The following KCNIP4 variants were observed in gnomAD, a reference collection of about 807,000 sequenced individuals.
KCNIP4 encodes the protein Kv channel-interacting protein 4.
Under a neutral mutation model 34.0 loss-of-function variants are expected in KCNIP4, and 12 were observed. That is an observed-to-expected ratio of 0.35 (90% CI 0.23 to 0.57). The LOEUF is 0.57. Among genes scored for constraint, KCNIP4 ranks in the 20% least tolerant of loss-of-function variants. The probability of loss-of-function intolerance (pLI) is 0.83; values close to 1 mark genes in which losing one functional copy is unlikely to be tolerated. For synonymous variants in KCNIP4, 124 were observed against 102.2 expected, an observed-to-expected ratio of 1.21 and a Z score of -1.29; for missense variants, 238 against 311.7, an observed-to-expected ratio of 0.76 and a Z score of 1.78.
At chr4:21,262,098 C>T (rs185171415) in intron 1 of KCNIP4, among the ~76,000 whole-genome samples, 9 of 152,292 alleles carry the variant, frequency 5.9e-5, no homozygotes, top group African/African-American at 1.9e-4. Flanking sequence ...ATATTTTAAA[C>T]GCATGCTCTT....
intron 1 of KCNIP4, among the ~76,000 whole-genome samples, chr4:21,551,605 C>T (rs1268065637): frequency 1.3e-5 from 2 of 152,070 alleles, no homozygotes; most frequent in African/African-American, 2.4e-5. Context: ...TGCAACTCTG[C>T]CAAAACCTGT....
chr4:20,777,149 G>A (rs1251893953), intron 3 of KCNIP4, among the ~76,000 whole-genome samples: 5 of 152,150 alleles, frequency 3.3e-5, no homozygotes, highest in Non-Finnish European at 1.5e-5. Flanking sequence ...GTTCCACAGG[G>A]CTATAGACGC....
chr4:21,818,514 G>A (rs1722126852), intron 1 of KCNIP4, among the ~76,000 whole-genome samples: 1 of 152,120 alleles, frequency 6.6e-6, no homozygotes, highest in Admixed American at 6.5e-5. Flanking sequence ...AGCCACTAGT[G>A]GTGTATGGAT....
At chr4:21,748,983 C>A (rs906151112) in intron 1 of KCNIP4, among the ~76,000 whole-genome samples, 2 of 152,010 alleles carry the variant, frequency 1.3e-5, no homozygotes, top group Admixed American at 1.3e-4. Flanking sequence ...TATAACATTC[C>A]AGGCTGTAAT....
intron 1 of KCNIP4, among the ~76,000 whole-genome samples, chr4:21,323,009 G>A (rs1263229198): frequency 6.6e-6 from 1 of 151,940 alleles, no homozygotes; most frequent in East Asian, 1.9e-4. Flanking sequence ...GGAATTGATG[G>A]TATAACTGAA....
intron 1 of KCNIP4, among the ~76,000 whole-genome samples, chr4:21,289,606 G>C (rs1275292906): frequency 6.6e-6 from 1 of 152,214 alleles, no homozygotes; most frequent in Non-Finnish European, 1.5e-5. Flanking sequence ...TTAAAAAAAT[G>C]TATGAGATGT....
In KCNIP4 at chr4:20,847,939, AG is replaced by A. The variant is rs555756446; in HGVS notation, c.288+2603del. ...AAGGGCTTTGAGGTAATTGGTGTTT[AG>A]GGAACCAAGGCAGTTGGTTTGCTTT... On this transcript the variant is annotated intron_variant, in intron 3 of 8. Coordinates refer to ENST00000382152, the MANE Select transcript of KCNIP4 (RefSeq NM_025221.6). Among the ~76,000 whole-genome samples, 134 of 152,296 alleles carry A rather than the reference AG, an allele frequency of 8.8e-4. 2 individuals carry two copies. The highest frequency in any genetic ancestry group is 8.6e-3 in the Admixed American group (132 of 15,288).
At chr4:21,643,573 C>G (rs1746774741) in intron 1 of KCNIP4, among the ~76,000 whole-genome samples, 1 of 152,058 alleles carries the variant, frequency 6.6e-6, no homozygotes, top group Non-Finnish European at 1.5e-5. Flanking sequence ...TTCCATGAAG[C>G]TATTTTTTAG....
rs567512788 is a variant in KCNIP4 at position 21,053,185 on chromosome 4, T to G, written c.62-170476A>C. Among the ~76,000 whole-genome samples the G allele has an allele frequency of 7.9e-5, 12 of 152,264 alleles. No homozygotes were observed. The East Asian group carries it at 2.3e-3, about 29-fold the overall frequency. ...AATGGAAATCAAGAAGAGGGCAGTC[T>G]TGGCAGTTTCTTCTCTATTCTCACT... On this transcript the variant is annotated intron_variant, in intron 1 of 8. Transcript: ENST00000382152.
chr4:21,561,133 T>C (rs1577597915), intron 1 of KCNIP4, among the ~76,000 whole-genome samples: 1 of 152,000 alleles, frequency 6.6e-6, no homozygotes, highest in South Asian at 2.1e-4. Flanking sequence ...GATTGCACAC[T>C]TTAATATTAC....
rs1560655293 is a variant in KCNIP4, at chr4:21,714,785, G to GATTTATTTCATTTTATCT, written c.61+233785_61+233786insAGATAAAATGAAATAAAT. Among the ~76,000 whole-genome samples, 20 of 43,372 alleles carry GATTTATTTCATTTTATCT rather than the reference G, an allele frequency of 4.6e-4. 4 individuals are homozygous for GATTTATTTCATTTTATCT. The highest frequency in any genetic ancestry group is 3.8e-3 in the African/African-American group (19 of 5,006). 28.5% of individuals were successfully genotyped at this position (43,372 alleles called of 152,430 possible). A position where few individuals can be genotyped will look rare whatever the true frequency, so the allele number is the denominator to read the frequency against. On this transcript the variant is annotated intron_variant, in intron 1 of 8. Transcript: ENST00000382152. The stretch of plus-strand genomic sequence containing the variant: ...AAGAATGTGTTAGTAATTTCCCTTT[G>GATTTATTTCATTTTATCT]ATTATTTTATTTTATTTTATTTTAT...
At chr4:20,875,215 G>C (rs1723885782) in intron 2 of KCNIP4, among the ~76,000 whole-genome samples, 1 of 152,010 alleles carries the variant, frequency 6.6e-6, no homozygotes, top group African/African-American at 2.4e-5. Context: ...ATATTTTTTT[G>C]TAAAACTGAC....
At chr4:21,588,620 T>A (rs1577648619) in intron 1 of KCNIP4, among the ~76,000 whole-genome samples, 1 of 151,852 alleles carries the variant, frequency 6.6e-6, no homozygotes, top group African/African-American at 2.4e-5. Context: ...GGAGCTGTGA[T>A]CCCAAACCCT....
intron 1 of KCNIP4, among the ~76,000 whole-genome samples, chr4:21,939,029 T>C (rs139439031): frequency 1.7e-4 from 26 of 152,252 alleles, no homozygotes; most frequent in Admixed American, 3.9e-4. Context: ...TAACTGTCAT[T>C]GAGATCTAAA....
At chr4:20,924,502 G>A (rs879362836) in intron 1 of KCNIP4, among the ~76,000 whole-genome samples, 2 of 152,030 alleles carry the variant, frequency 1.3e-5, no homozygotes, top group African/African-American at 2.4e-5. Context: ...CAATATAAAA[G>A]TTTTCTCTTT....
chr4:21,205,365 G>A (rs1350929353), intron 1 of KCNIP4, among the ~76,000 whole-genome samples: 4 of 152,108 alleles, frequency 2.6e-5, no homozygotes, highest in South Asian at 2.1e-4. Flanking sequence ...CATGACAGAC[G>A]CTTCAGGAGG....
chr4:21,180,297 T>G lies in KCNIP4; in HGVS notation c.62-297588A>C, dbSNP rs546245026. 2.4e-4 allele frequency among the ~76,000 whole-genome samples: 37 copies of G among 152,324 alleles called. No individual in the cohort carries two copies. The South Asian group carries it at 7.0e-3, about 29-fold the overall frequency. ...ATCAAGCTTCTAGTACTAGAGTTTA[T>G]GACTAGAATCCTAATAATAGTTTTT... On this transcript the variant is annotated intron_variant, in intron 1 of 8. Coordinates refer to ENST00000382152, the MANE Select transcript of KCNIP4 (RefSeq NM_025221.6).
chr4:21,603,617 A>G (rs2109126402), intron 1 of KCNIP4, among the ~76,000 whole-genome samples: 2 of 152,252 alleles, frequency 1.3e-5, no homozygotes, highest in Non-Finnish European at 2.9e-5. Context: ...ACGGGGTCCA[A>G]CTTCTGTTAT....
At chr4:21,177,335 A>G (rs1754485661) in intron 1 of KCNIP4, among the ~76,000 whole-genome samples, 1 of 152,188 alleles carries the variant, frequency 6.6e-6, no homozygotes, top group South Asian at 2.1e-4. Flanking sequence ...AACACAAACT[A>G]TGCTCAAGGT....
Sources: gnomAD v4.1 joint callset for allele counts (sites outside exome capture counted in the v4.1 genomes callset) on GRCh38, gnomAD v4.1.1 for gene constraint, MANE v1.5 for transcripts, NCBI Gene and HGNC (gene_info 2026-07-23, HGNC 2026-07-21) for gene names.